PDS5B: variants seen among roughly 807,000 people sequenced by gnomAD.
The protein encoded by PDS5B is sister chromatid cohesion protein PDS5 homolog B.
A neutral mutation model predicts 184.1 loss-of-function variants in PDS5B; 51 were observed. The ratio of observed to expected loss-of-function variants is 0.28; its 90% CI spans 0.22 to 0.35. The LOEUF (loss-of-function observed/expected upper bound fraction) is 0.35, where lower values mean the gene tolerates loss of function less well. PDS5B is among the 10% of genes least tolerant of loss of function. The probability of loss-of-function intolerance (pLI) is 1.00; values close to 1 mark genes in which losing one functional copy is unlikely to be tolerated. For missense variants in PDS5B, 1,180 were observed against 1,723.3 expected (o/e 0.68, Z 5.58); for synonymous variants, 566 against 569.2 (o/e 0.99, Z 0.08).
chr13:32,711,238 C>G (rs1418132553), intron 19 of PDS5B, among the ~76,000 whole-genome samples: 2 of 152,122 alleles, frequency 1.3e-5, no homozygotes, highest in African/African-American at 4.8e-5. Flanking sequence ...CACCTGCCCG[C>G]CTCAGCCTCC....
At chr13:32,665,470 T>C (rs938253420) in intron 6 of PDS5B, among the ~76,000 whole-genome samples, 1 of 150,174 alleles carries the variant, frequency 6.7e-6, no homozygotes, top group Non-Finnish European at 1.5e-5. Context: ...GCGCCTGTAG[T>C]CCCAGCTACT....
chr13:32,633,983 A>G lies in PDS5B; in HGVS notation c.-19-14771A>G, dbSNP rs7327851. The stretch of plus-strand genomic sequence containing the variant: ...CCTCCTGGATTTTACTTCTGTCTCA[A>G]TCTCTTTTCTCCTACTAAACTATAC... On this transcript the variant is annotated intron_variant, in intron 1 of 34. Transcript: ENST00000315596. Among the ~76,000 whole-genome samples, 363 of 152,194 alleles carry G rather than the reference A, an allele frequency of 2.4e-3. 1 individual carries two copies. The highest frequency in any genetic ancestry group is 8.0e-3 in the African/African-American group (332 of 41,538).
chr13:32,606,779 C>T (rs1439014742), intron 1 of PDS5B, among the ~76,000 whole-genome samples: 1 of 152,132 alleles, frequency 6.6e-6, no homozygotes, highest in African/African-American at 2.4e-5. Flanking sequence ...ACTGTTTTTC[C>T]TCTAAACTTC....
intron 20 of PDS5B, among the ~76,000 whole-genome samples, chr13:32,733,985 A>AACACACACACAC (rs148714647): frequency 0.13 from 18,617 of 141,878 alleles, 1,358 homozygotes; most frequent in South Asian, 0.21. Context: ...CAAAAATTAA[A>AACACACACACAC]ACACACACAC....
intron 1 of PDS5B, among the ~76,000 whole-genome samples, chr13:32,611,115 C>G (rs919644061): frequency 6.6e-6 from 1 of 151,978 alleles, no homozygotes; most frequent in Non-Finnish European, 1.5e-5. Context: ...GAAAAACTAT[C>G]CCACAGGATT....
chr13:32,590,949 A>G (rs1179196055), intron 1 of PDS5B, among the ~76,000 whole-genome samples: 1 of 151,010 alleles, frequency 6.6e-6, no homozygotes, highest in Non-Finnish European at 1.5e-5. Flanking sequence ...GTTAAAAGTT[A>G]TACAGGTATA....
chr13:32,637,621 A>G (rs1368223854), intron 1 of PDS5B, among the ~76,000 whole-genome samples: 2 of 152,200 alleles, frequency 1.3e-5, no homozygotes, highest in Non-Finnish European at 2.9e-5. Flanking sequence ...GTAAAAAGAG[A>G]ATTGAACTCT....
intron 19 of PDS5B, among the ~76,000 whole-genome samples, chr13:32,711,451 A>T (rs912357541): frequency 6.6e-6 from 1 of 151,948 alleles, no homozygotes; most frequent in Non-Finnish European, 1.5e-5. Context: ...TCTGCCTCCC[A>T]GGTTCAAGCA....
At chr13:32,742,382 C>G (rs760608445) in intron 22 of PDS5B, among the ~76,000 whole-genome samples, 6 of 152,102 alleles carry the variant, frequency 3.9e-5, no homozygotes, top group Non-Finnish European at 7.4e-5. Context: ...AAAGAACAAA[C>G]TAGTCTTTAG....
chr13:32,614,980 G>C (rs1413476270), intron 1 of PDS5B, among the ~76,000 whole-genome samples: 2 of 152,190 alleles, frequency 1.3e-5, no homozygotes, highest in African/African-American at 4.8e-5. Flanking sequence ...TGTGTACAAA[G>C]TAAACACAAG....
At chr13:32,696,602 C>A (rs908800552) in intron 14 of PDS5B, among the ~76,000 whole-genome samples, 7 of 151,702 alleles carry the variant, frequency 4.6e-5, no homozygotes, top group Non-Finnish European at 8.8e-5. Context: ...TGTAGTGCAG[C>A]TGTCTGATTT....
At chr13:32,767,749 G>T (rs531750824) in intron 31 of PDS5B, among the ~76,000 whole-genome samples, 1 of 152,200 alleles carries the variant, frequency 6.6e-6, no homozygotes, top group South Asian at 2.1e-4. Flanking sequence ...CCATGTTCTT[G>T]TATAGGAGAA....
rs528580787 is a variant in PDS5B at position 32,595,314 on chromosome 13, A to G, written c.-20+8721A>G. 2.6e-5 allele frequency among the ~76,000 whole-genome samples: 4 copies of G among 152,268 alleles called. No individual in the cohort carries two copies. In the South Asian group the frequency reaches 8.3e-4, roughly 32 times the overall value. On this transcript the variant is annotated intron_variant, in intron 1 of 34. Transcript: ENST00000315596. ...GTTGATTCTGATATAGTATTTTTAAAGGTTATTATTATTTTAAATTATATG... is the reference window on the plus strand; with the variant it reads ...GTTGATTCTGATATAGTATTTTTAAGGGTTATTATTATTTTAAATTATATG...
intron 1 of PDS5B, 44 bp downstream of exon 1, chr13:32,586,637 C>G (rs531785170): frequency 6.6e-6 from 1 of 151,678 alleles, no homozygotes; most frequent in South Asian, 2.1e-4. Context: ...TCTCTCTTCT[C>G]TGGCTGCGGC....
At chr13:32,643,307 C>T (rs1372613597) in intron 1 of PDS5B, among the ~76,000 whole-genome samples, 1 of 152,096 alleles carries the variant, frequency 6.6e-6, no homozygotes, top group African/African-American at 2.4e-5. Flanking sequence ...TTTTCCTAAC[C>T]TGAAGTCATG....
At chr13:32,735,610 T>G (rs1013741539) in intron 21 of PDS5B, among the ~76,000 whole-genome samples, 6 of 152,182 alleles carry the variant, frequency 3.9e-5, no homozygotes, top group Admixed American at 3.9e-4. Flanking sequence ...GTTTAATTTT[T>G]GACAGGACAT....
At chr13:32,655,374 A>ATATATATATATATATATATATATAT in intron 3 of PDS5B, among the ~76,000 whole-genome samples, 1 of 72,468 alleles carries the variant, frequency 1.4e-5, no homozygotes, top group Non-Finnish European at 2.2e-5. Flanking sequence ...ATATATATAT[A>ATATATATATATATATATATATATAT]TTTTTTTTTT....
chr13:32,743,485 G>A (rs1489636152), intron 23 of PDS5B, among the ~76,000 whole-genome samples: 2 of 152,074 alleles, frequency 1.3e-5, no homozygotes, highest in South Asian at 2.1e-4. Context: ...AAAATTTAAC[G>A]TTTGTCCTCT....
At chr13:32,607,788 T>C (rs1401254195) in intron 1 of PDS5B, among the ~76,000 whole-genome samples, 1 of 152,220 alleles carries the variant, frequency 6.6e-6, no homozygotes, top group African/African-American at 2.4e-5. Flanking sequence ...GCCTCACTGC[T>C]GCCTTGCAGT....
Sources: gnomAD v4.1 joint callset for allele counts (sites outside exome capture counted in the v4.1 genomes callset) on GRCh38, gnomAD v4.1.1 for gene constraint, MANE v1.5 for transcripts, NCBI Gene and HGNC (gene_info 2026-07-23, HGNC 2026-07-21) for gene names.